Variants in ATXN3 observed in about 807,000 individuals in gnomAD.
ATXN3 encodes ataxin-3.
A neutral mutation model predicts 58.2 loss-of-function variants in ATXN3; 28 were observed. The observed-to-expected ratio is 0.48, with a 90% CI of 0.36 to 0.66. The LOEUF (loss-of-function observed/expected upper bound fraction) is 0.66. ATXN3 is among the 30% of genes least tolerant of loss of function. The pLI, the probability that ATXN3 is intolerant of heterozygous loss-of-function variation, is 0.00. For missense variants in ATXN3, 321 were observed against 422.1 expected (o/e 0.76, Z 2.10); for synonymous variants, 113 against 138.5 (o/e 0.82, Z 1.29).
intron 9 of ATXN3, among the ~76,000 whole-genome samples, chr14:92,075,389 ACTC>A (rs1405151493): frequency 6.6e-6 from 1 of 151,762 alleles, no homozygotes; most frequent in African/African-American, 2.4e-5. Flanking sequence ...CTAGTCTCGA[ACTC>A]CTGACCTCAG....
chr14:92,097,591 T>C (rs2065723718), intron 1 of ATXN3, among the ~76,000 whole-genome samples: 2 of 151,344 alleles, frequency 1.3e-5, no homozygotes, highest in Admixed American at 1.3e-4. Flanking sequence ...AGTGGCATGA[T>C]CTCGGCTCAC....
Position 92,062,906 on chromosome 14 carries a change from C to G in ATXN3, c.*1414G>C, listed in dbSNP as rs775690573. The G allele has an allele frequency of 1.3e-5, 2 of 152,574 alleles. No individual in the cohort carries two copies. The highest frequency in any genetic ancestry group is 2.9e-5 in the Non-Finnish European group (2 of 68,026). 9.5% of individuals were successfully genotyped at this position (152,574 alleles called of 1,614,324 possible). On this transcript the variant is annotated 3_prime_UTR_variant, in exon 11 of 11. Transcript: ENST00000644486. The stretch of plus-strand genomic sequence containing the variant: ...TTTTCGAAGTTGTCAGCTGAAATTT[C>G]TTGGATTTTAGCTTATGAACAATTC...
chr14:92,073,157 G>A (rs1276476737), intron 9 of ATXN3, among the ~76,000 whole-genome samples: 1 of 152,198 alleles, frequency 6.6e-6, no homozygotes, highest in African/African-American at 2.4e-5. Context: ...AGGTGAGATA[G>A]CAATTTTAGA....
At chr14:92,093,084 C>G (rs1204208518) in intron 5 of ATXN3, among the ~76,000 whole-genome samples, 168 bp downstream of exon 5, 1 of 147,334 alleles carries the variant, frequency 6.8e-6, no homozygotes, top group Non-Finnish European at 1.5e-5. Flanking sequence ...TTTTAAGAGA[C>G]AGGACCTCCC....
upstream of ATXN3, among the ~76,000 whole-genome samples, chr14:92,050,143 CGTG>C: frequency 6.8e-6 from 1 of 147,692 alleles, no homozygotes; most frequent in East Asian, 2.0e-4. Flanking sequence ...ACTTTGCTCT[CGTG>C]TGTGTGTGTG....
intron 4 of ATXN3, 199 bp from the exon 5 acceptor site, chr14:92,093,517 G>A (rs1262921582): frequency 1.1e-5 from 7 of 622,666 alleles, no homozygotes; most frequent in East Asian, 2.8e-5. Flanking sequence ...ATGGCCTCAT[G>A]CACCACTTAT....
intron 8 of ATXN3, among the ~76,000 whole-genome samples, chr14:92,081,639 C>T (rs1401840527): frequency 6.6e-6 from 1 of 151,848 alleles, no homozygotes; most frequent in African/African-American, 2.4e-5. Context: ...AATAATCTTC[C>T]CATTAATGAA....
intron 1 of ATXN3, among the ~76,000 whole-genome samples, chr14:92,099,963 AG>A (rs1434746153): frequency 1.3e-5 from 2 of 152,116 alleles, no homozygotes; most frequent in Non-Finnish European, 2.9e-5. Context: ...AGGAAGAAAA[AG>A]AAAGAAAGAA....
chr14:92,099,290 G>A (rs2066147930), intron 1 of ATXN3, among the ~76,000 whole-genome samples: 1 of 152,096 alleles, frequency 6.6e-6, no homozygotes, highest in South Asian at 2.1e-4. Context: ...AATTTTCTAG[G>A]AGCAAAATTC....
chr14:92,066,793 G>T (rs2058531024), intron 10 of ATXN3, among the ~76,000 whole-genome samples: 1 of 136,790 alleles, frequency 7.3e-6, no homozygotes, highest in African/African-American at 2.9e-5. Flanking sequence ...TTTTTGAGAT[G>T]GAGTCTCGCT....
intron 2 of ATXN3, 168 bp downstream of exon 2, chr14:92,096,506 C>A: frequency 1.3e-6 from 1 of 786,388 alleles, no homozygotes; most frequent in South Asian, 1.9e-5. Context: ...TGCCTGTAAT[C>A]CCAGCTACTT....
chr14:92,099,809 C>T (rs905337570), intron 1 of ATXN3, among the ~76,000 whole-genome samples: 5 of 151,906 alleles, frequency 3.3e-5, no homozygotes, highest in African/African-American at 9.7e-5. Context: ...GTCGAGGCTA[C>T]AGTAAGCTGA....
In ATXN3 at chr14:92,059,896, AAAAC is replaced by A. The variant is rs1595438546; in HGVS notation, c.*4420_*4423del. The A allele has an allele frequency of 2.0e-5, 3 of 151,088 alleles. No individual in the cohort carries two copies. Among genetic ancestry groups the A allele is most frequent in the South Asian group, 2.1e-4 (1 of 4,816 alleles). 9.4% of individuals were successfully genotyped at this position (151,088 alleles called of 1,614,324 possible). ...CGCCTCTTCGTTTCCGGATTAAAAA[AAAAC>A]AAACAAACCTTTAAGATGGAGTTTT... On this transcript the variant is annotated 3_prime_UTR_variant, in exon 11 of 11. Coordinates refer to ENST00000644486, the MANE Select transcript of ATXN3 (RefSeq NM_004993.6).
intron 9 of ATXN3, among the ~76,000 whole-genome samples, chr14:92,076,666 G>A (rs778421268): frequency 3.3e-5 from 5 of 151,772 alleles, no homozygotes; most frequent in African/African-American, 7.3e-5. Context: ...ATGGCTGGGC[G>A]CGGTGGTGCA....
At chr14:92,093,145 C>A in intron 5 of ATXN3, 107 bp downstream of exon 5, 1 of 668,818 alleles carries the variant, frequency 1.5e-6, no homozygotes, top group Non-Finnish European at 2.5e-6. Flanking sequence ...ATCCCCCCAC[C>A]TCAGCCTCCC....
chr14:92,072,744 G>A (rs2059657793), intron 9 of ATXN3, among the ~76,000 whole-genome samples: 7 of 106,306 alleles, frequency 6.6e-5, no homozygotes, highest in African/African-American at 1.1e-4. Flanking sequence ...TTTTGGCTAA[G>A]ATCAAGTGTT....
intron 9 of ATXN3, among the ~76,000 whole-genome samples, chr14:92,075,928 G>A (rs1399607901): frequency 6.6e-6 from 1 of 152,184 alleles, no homozygotes. Flanking sequence ...ACCAGTATTT[G>A]CAAAGTCAAG....
chr14:92,052,429 G>A (rs1399975222), upstream of ATXN3, among the ~76,000 whole-genome samples: 8 of 151,926 alleles, frequency 5.3e-5, no homozygotes, highest in African/African-American at 9.7e-5. Flanking sequence ...CGGAGGTTGC[G>A]GTGAGCTGGA....
At chr14:92,073,810 G>A (rs1313064897) in intron 9 of ATXN3, among the ~76,000 whole-genome samples, 1 of 151,816 alleles carries the variant, frequency 6.6e-6, no homozygotes, top group Non-Finnish European at 1.5e-5. Context: ...CTACACTCCA[G>A]CCTGGGTGAC....
Sources: gnomAD v4.1 joint callset for allele counts (sites outside exome capture counted in the v4.1 genomes callset) on GRCh38, gnomAD v4.1.1 for gene constraint, MANE v1.5 for transcripts, NCBI Gene and HGNC (gene_info 2026-07-23, HGNC 2026-07-21) for gene names.